The following UNC13C variants were observed in gnomAD, a reference collection of about 807,000 sequenced individuals.
UNC13C encodes unc-13 homolog C, also known as protein unc-13 homolog C.
Under a neutral mutation model 245.4 loss-of-function variants are expected in UNC13C, and 174 were observed. The observed-to-expected ratio is 0.71, with a 90% confidence interval of 0.63 to 0.80. The LOEUF (loss-of-function observed/expected upper bound fraction) is 0.80. UNC13C is among the 30% of genes least tolerant of loss of function. The pLI is 0.00. For synonymous variants in UNC13C, 992 were observed against 895.1 expected (o/e 1.11, Z -1.93); for missense variants, 2,829 against 2,602.9 (o/e 1.09, Z -1.89).
intron 4 of UNC13C, among the ~76,000 whole-genome samples, chr15:54,178,731 C>T (rs1039554247): frequency 1.3e-5 from 2 of 152,248 alleles, no homozygotes; most frequent in South Asian, 4.1e-4. Flanking sequence ...ATTTAAGAAA[C>T]TCAAGGAGCC....
rs1567067119 is a variant in UNC13C at position 54,172,735 on chromosome 15, T to TAAATATATATATATATATAA, written c.3071+29052_3071+29053insAATATATATATATATATAAA. Among the ~76,000 whole-genome samples, 7 of 115,456 alleles carry TAAATATATATATATATATAA rather than the reference T, an allele frequency of 6.1e-5. No homozygotes were observed. The South Asian group carries it at 1.2e-3, about 20-fold the overall frequency. The allele number at this position is 115,456 out of a possible 152,430, so 75.7% of individuals were successfully genotyped here. A position where few individuals can be genotyped will look rare whatever the true frequency, so the allele number is the denominator to read the frequency against. On this transcript the variant is annotated intron_variant, in intron 4 of 32. Coordinates refer to ENST00000260323, the MANE Select transcript of UNC13C (RefSeq NM_001080534.3). ...ATATATATATATATATATATATATA[T>TAAATATATATATATATATAA]ATATATATATATATATATATATATA...
chr15:54,150,943 A>T (rs2032486866), intron 4 of UNC13C, among the ~76,000 whole-genome samples: 1 of 152,180 alleles, frequency 6.6e-6, no homozygotes, highest in Admixed American at 6.5e-5. Context: ...ATAATCATAA[A>T]ACTGACTCAG....
chr15:53,982,252 C>G (rs1176508836), intron 1 of UNC13C, among the ~76,000 whole-genome samples: 1 of 152,106 alleles, frequency 6.6e-6, no homozygotes, highest in Admixed American at 6.6e-5. Flanking sequence ...TCTGAGCCTT[C>G]TGGTTCTTGA....
chr15:54,014,973 T>C lies in UNC13C; in HGVS notation c.2070T>C (p.Val690=), dbSNP rs1194709712. The C allele has an allele frequency of 1.2e-6, 2 of 1,613,798 alleles. No homozygotes were observed. Among genetic ancestry groups the C allele is most frequent in the East Asian group, 2.2e-5 (1 of 44,878 alleles). Reference sequence around the variant, plus strand: ...GTCTTTTTGACCAACAGCTTGATGTTTACAATAAAGACCTAGAATACTTGG... The same window carrying C: ...GTCTTTTTGACCAACAGCTTGATGTCTACAATAAAGACCTAGAATACTTGG... The part of the protein sequence containing the change: ...TNSLFDQQLD[V]YNKDLEYLGK... Residue 690 remains valine, a synonymous_variant, in exon 2 of 33, where the codon GTT becomes GTC. Transcript: ENST00000260323.
rs373936628 is a variant in UNC13C at position 54,374,317 on chromosome 15, A to G, written c.4714-18731A>G. Among the ~76,000 whole-genome samples the G allele has an allele frequency of 7.9e-5, 12 of 152,242 alleles. No homozygotes were observed. In the East Asian group the frequency reaches 1.7e-3, roughly 22 times the overall value. On this transcript the variant is annotated intron_variant, in intron 17 of 32. Coordinates refer to ENST00000260323, the MANE Select transcript of UNC13C (RefSeq NM_001080534.3). ...TGCCTCCCACTGTCATCAGCCTGTC[A>G]GCCCAGGTGCCCAGGCTGTTTGTAC... is the stretch of plus-strand genomic sequence containing the variant.
chr15:54,559,099 G>A (rs553790189), intron 29 of UNC13C, among the ~76,000 whole-genome samples: 1 of 152,148 alleles, frequency 6.6e-6, no homozygotes, highest in East Asian at 1.9e-4. Context: ...GCTTCATGCA[G>A]TGGCAATACT....
chr15:53,903,463 A>G, the UNC13C span, among the ~76,000 whole-genome samples: 4 of 152,214 alleles, frequency 2.6e-5, no homozygotes, highest in African/African-American at 9.7e-5. Flanking sequence ...AGCAACACAA[A>G]TCCAATCAAA....
At position 54,013,850 on chromosome 15, in the gene UNC13C, G is replaced by A. The variant is rs1895505088; in HGVS notation, c.947G>A (p.Gly316Asp). ...TATATTAAGCACTTAGGTCATATGGGTAGCAAGGCAAGCCTGAGATTTTTA... is the reference window on the plus strand; with the variant it reads ...TATATTAAGCACTTAGGTCATATGGATAGCAAGGCAAGCCTGAGATTTTTA... ...HDYIKHLGHMGSKASLRFLNV... is the reference protein window; with the variant it reads ...HDYIKHLGHMDSKASLRFLNV... Residue 316 changes from glycine (G) to aspartate (D), a missense_variant, in exon 2 of 33, where the codon GGT becomes GAT. Coordinates refer to ENST00000260323, the MANE Select transcript of UNC13C (RefSeq NM_001080534.3). The A allele has an allele frequency of 6.2e-7, 1 of 1,613,336 alleles. No individual in the cohort carries two copies.
At chr15:54,410,393 A>T (rs1403602390) in intron 18 of UNC13C, among the ~76,000 whole-genome samples, 2 of 149,450 alleles carry the variant, frequency 1.3e-5, no homozygotes, top group African/African-American at 4.9e-5. Flanking sequence ...CCACTTGTCA[A>T]TTTTTCTTTT....
chr15:54,169,498 T>C (rs1046427171), intron 4 of UNC13C, among the ~76,000 whole-genome samples: 1 of 152,142 alleles, frequency 6.6e-6, no homozygotes, highest in African/African-American at 2.4e-5. Flanking sequence ...CCAGGAGGCG[T>C]TCTTTGTAAA....
At chr15:53,935,529 C>T in the UNC13C span, among the ~76,000 whole-genome samples, 39 of 152,284 alleles carry the variant, frequency 2.6e-4, 1 homozygote, top group South Asian at 6.2e-4. Context: ...ACATTTTGGC[C>T]AAGATGGCCT....
chr15:54,176,758 A>G (rs1252557424), intron 4 of UNC13C, among the ~76,000 whole-genome samples: 1 of 152,140 alleles, frequency 6.6e-6, no homozygotes, highest in Non-Finnish European at 1.5e-5. Flanking sequence ...ATATTTGAAG[A>G]CTAAGATATT....
At chr15:54,281,056 C>T (rs1238840156) in intron 10 of UNC13C, among the ~76,000 whole-genome samples, 1 of 151,986 alleles carries the variant, frequency 6.6e-6, no homozygotes, top group Non-Finnish European at 1.5e-5. Flanking sequence ...CCTCAGCCTC[C>T]CAAAGTGCTG....
chr15:54,606,050 G>T (rs1244876247), intron 30 of UNC13C, among the ~76,000 whole-genome samples: 1 of 152,130 alleles, frequency 6.6e-6, no homozygotes, highest in Non-Finnish European at 1.5e-5. Flanking sequence ...CCCACTTCTG[G>T]TGAGAAAGAC....
At chr15:54,284,269 C>A (rs939413407) in intron 10 of UNC13C, among the ~76,000 whole-genome samples, 2 of 152,102 alleles carry the variant, frequency 1.3e-5, no homozygotes, top group African/African-American at 2.4e-5. Flanking sequence ...TTAATTTCTG[C>A]TACAATAATT....
At chr15:53,936,288 C>G in the UNC13C span, among the ~76,000 whole-genome samples, 2 of 152,118 alleles carry the variant, frequency 1.3e-5, no homozygotes, top group Non-Finnish European at 2.9e-5. Flanking sequence ...AAGTGGGACC[C>G]TGATCCATCC....
In UNC13C at chr15:54,197,421, C is replaced by T. The variant is rs141812885; in HGVS notation, c.3072-37609C>T. Among the ~76,000 whole-genome samples, 1,387 of 151,694 alleles carry T rather than the reference C, an allele frequency of 9.1e-3. 6 individuals carry two copies. The highest frequency in any genetic ancestry group is 0.015 in the Non-Finnish European group (1,011 of 67,948). On this transcript the variant is annotated intron_variant, in intron 4 of 32. Coordinates refer to ENST00000260323, the MANE Select transcript of UNC13C (RefSeq NM_001080534.3). ...GAGGTTGCAGTGAGCCAAGATCACA[C>T]CACTGCACTACAGCCTGGGTGACAG...
intron 4 of UNC13C, among the ~76,000 whole-genome samples, chr15:54,167,465 G>GT (rs2033207474): frequency 7.2e-6 from 1 of 139,060 alleles, no homozygotes; most frequent in Non-Finnish European, 1.5e-5. Context: ...TCGCGCCACT[G>GT]CACTCCAGCC....
At chr15:53,963,800 T>C in the UNC13C span, among the ~76,000 whole-genome samples, 2 of 152,198 alleles carry the variant, frequency 1.3e-5, no homozygotes, top group African/African-American at 4.8e-5. Flanking sequence ...CTGACATTCA[T>C]GGTTCACAAA....
Sources: gnomAD v4.1 joint callset for allele counts (sites outside exome capture counted in the v4.1 genomes callset) on GRCh38, gnomAD v4.1.1 for gene constraint, MANE v1.5 for transcripts, NCBI Gene and HGNC (gene_info 2026-07-23, HGNC 2026-07-21) for gene names.